CIMIP4: variants seen among roughly 807,000 people sequenced by gnomAD.
CIMIP4 encodes the protein protein EAN57.
At chr22:37,003,873 C>T in the CIMIP4 span, 120 of 1,334,146 alleles carry the variant, frequency 9.0e-5, no homozygotes, top group Middle Eastern at 6.0e-4. Context: ...CAAGACGGAG[C>T]GGGAGGAGAA....
At chr22:36,992,692 CCAT>C in the CIMIP4 span, among the ~76,000 whole-genome samples, 1 of 151,814 alleles carries the variant, frequency 6.6e-6, no homozygotes, top group Non-Finnish European at 1.5e-5. Flanking sequence ...TTGAAAATTG[CCAT>C]CATAAAAGTT....
At chr22:36,998,606 G>A in the CIMIP4 span, among the ~76,000 whole-genome samples, 1 of 152,130 alleles carries the variant, frequency 6.6e-6, no homozygotes, top group Non-Finnish European at 1.5e-5. Flanking sequence ...AAGACTATGA[G>A]GCTTTGAAGG....
chr22:36,994,569 A>G, the CIMIP4 span, among the ~76,000 whole-genome samples: 3 of 150,346 alleles, frequency 2.0e-5, no homozygotes, highest in South Asian at 2.1e-4. Flanking sequence ...GGGTTTCACC[A>G]TATTGGCCAG....
chr22:37,005,373 T>C, the CIMIP4 span, among the ~76,000 whole-genome samples: 1 of 152,212 alleles, frequency 6.6e-6, no homozygotes, highest in Non-Finnish European at 1.5e-5. Flanking sequence ...GTCAAACTTC[T>C]AAGCTTTATG....
chr22:36,996,137 G>GAAA, the CIMIP4 span, among the ~76,000 whole-genome samples: 2 of 149,780 alleles, frequency 1.3e-5, no homozygotes, highest in Non-Finnish European at 3.0e-5. Context: ...TTTTTATCTG[G>GAAA]AAAAAAAAAT....
chr22:37,001,921 C>G, the CIMIP4 span: 1 of 1,613,468 alleles, frequency 6.2e-7, no homozygotes, highest in Non-Finnish European at 8.5e-7. Flanking sequence ...CCTTCTGGTT[C>G]GTGGGCGTGC....
At chr22:37,000,034 A>G in the CIMIP4 span, 1 of 1,577,760 alleles carries the variant, frequency 6.3e-7, no homozygotes, top group East Asian at 2.2e-5. Flanking sequence ...AGCAGTTTCA[A>G]GCCCCATATC....
At chr22:36,991,576 G>A in the CIMIP4 span, 1 of 1,614,174 alleles carries the variant, frequency 6.2e-7, no homozygotes, top group Admixed American at 1.7e-5. Context: ...GAGGCTCTTT[G>A]TCTCCTCAGC....
chr22:36,995,921 G>T, the CIMIP4 span, among the ~76,000 whole-genome samples: 3 of 152,132 alleles, frequency 2.0e-5, no homozygotes, highest in South Asian at 6.2e-4. Context: ...TTAGAATCAA[G>T]AAGGAGATAA....
At chr22:37,004,110 G>A in the CIMIP4 span, 1 of 1,289,454 alleles carries the variant, frequency 7.8e-7, no homozygotes, top group Non-Finnish European at 1.1e-6. Flanking sequence ...TGAACAGGAA[G>A]GCCTGTGGCT....
At chr22:36,993,486 A>G in the CIMIP4 span, among the ~76,000 whole-genome samples, 30,908 of 151,816 alleles carry the variant, frequency 0.2, 3,565 homozygotes, top group East Asian at 0.53. Context: ...TAAATCCAAA[A>G]AGAGAGAGAA....
the CIMIP4 span, among the ~76,000 whole-genome samples, chr22:36,991,965 C>A: frequency 2.2e-3 from 329 of 152,202 alleles, no homozygotes; most frequent in African/African-American, 7.8e-3. Flanking sequence ...CAAGCAGATA[C>A]GTTGCAATGA....
At chr22:37,002,296 G>A in the CIMIP4 span, 1 of 1,423,048 alleles carries the variant, frequency 7.0e-7, no homozygotes, top group South Asian at 1.6e-5. Flanking sequence ...TGGTGAAAGT[G>A]GTTGTACCTG....
chr22:37,004,068 A>G, the CIMIP4 span: 2 of 1,507,202 alleles, frequency 1.3e-6, no homozygotes. Context: ...GATAACACAC[A>G]GAGTTTCTGT....
the CIMIP4 span, among the ~76,000 whole-genome samples, chr22:36,998,316 T>G: frequency 2.0e-5 from 3 of 152,042 alleles, no homozygotes; most frequent in South Asian, 6.2e-4. Flanking sequence ...TTCTCCAAGC[T>G]CAGAGAAAAC....
the CIMIP4 span, among the ~76,000 whole-genome samples, chr22:36,995,767 C>G: frequency 1.3e-5 from 2 of 152,202 alleles, no homozygotes; most frequent in Non-Finnish European, 2.9e-5. Flanking sequence ...ACGTGCCTTT[C>G]ACCTTCCACC....
At chr22:37,002,623 C>T in the CIMIP4 span, among the ~76,000 whole-genome samples, 1 of 152,174 alleles carries the variant, frequency 6.6e-6, no homozygotes. Context: ...AGCTGTGTGA[C>T]CGCAAGCAAG....
chr22:36,999,532 GGA>G, the CIMIP4 span, among the ~76,000 whole-genome samples: 4 of 42,028 alleles, frequency 9.5e-5, no homozygotes, highest in South Asian at 1.3e-3. Flanking sequence ...GGAGGGGAGG[GGA>G]GGGGAGGGGA....
chr22:37,002,015 T>G, the CIMIP4 span: 2 of 1,613,218 alleles, frequency 1.2e-6, no homozygotes. Flanking sequence ...GGCCCTGTTC[T>G]CTCTCGAGGA....
Sources: allele counts gnomAD v4.1 joint callset (sites outside exome capture counted in the v4.1 genomes callset), GRCh38; gene constraint gnomAD v4.1.1; transcripts MANE v1.5; gene names NCBI Gene and HGNC (gene_info 2026-07-23, HGNC 2026-07-21).